Variants in PRAMEF2 observed in about 807,000 individuals in gnomAD.
The protein encoded by PRAMEF2 is PRAME family member 2.
Under a neutral mutation model 38.0 loss-of-function variants are expected in PRAMEF2, and 35 were observed. The ratio of observed to expected loss-of-function variants is 0.92; its 90% confidence interval spans 0.70 to 1.22. PRAMEF2 has a LOEUF of 1.22. Among genes scored for constraint, PRAMEF2 ranks in the 50% most tolerant of loss-of-function variants. PRAMEF2 has a pLI of 0.00. For synonymous variants in PRAMEF2, 240 were observed against 232.4 expected (o/e 1.03, Z -0.30); for missense variants, 562 against 553.9 (o/e 1.01, Z -0.15).
At chr1:12,859,382 C>T (rs78309161) in intron 2 of PRAMEF2, 86 bp downstream of exon 2, 30,266 of 1,546,508 alleles carry the variant, frequency 0.02, 755 homozygotes, top group South Asian at 0.047. Flanking sequence ...AACCCAAGTG[C>T]GGCCCAGAGT....
At position 12,859,888 on chromosome 1, in the gene PRAMEF2, T is replaced by C. The variant is rs1378475176; in HGVS notation, c.483T>C (p.Asp161=). ...TCTGCCTCAAGGAAATACCCCAGGA[T>C]GAATGCCTGAGATACCTCTTCCAGT... The part of the protein sequence containing the change: ...IDICLKEIPQ[D]ECLRYLFQWV... Residue 161 remains aspartate (D), a synonymous_variant, in exon 3 of 4, where the codon GAT becomes GAC. Transcript: ENST00000240189. The C allele has an allele frequency of 2.5e-6, 4 of 1,608,302 alleles. No individual in the cohort carries two copies. The highest frequency in any genetic ancestry group is 3.4e-6 in the Non-Finnish European group (4 of 1,177,404).
In PRAMEF2 at chr1:12,859,789, C is replaced by T. The variant is rs1334607093; in HGVS notation, c.384C>T (p.Ala128=). The change falls in exon 3 of 4, where the codon GCC becomes GCT. Residue 128 remains alanine, a synonymous_variant. Transcript: ENST00000240189. Reference sequence around the variant, plus strand: ...GGGCCCTGTCCTGCTTCCCAGAGGCCATGAGTAAGAGGCAGACAGCAGAGG... The same window carrying T: ...GGGCCCTGTCCTGCTTCCCAGAGGCTATGAGTAAGAGGCAGACAGCAGAGG... The part of the protein sequence containing the change: ...GAWALSCFPE[A]MSKRQTAEDC... 1 of 1,607,086 alleles carries T rather than the reference C, an allele frequency of 6.2e-7. No homozygotes were observed. Among genetic ancestry groups the T allele is most frequent in the South Asian group, 1.1e-5 (1 of 90,786 alleles).
chr1:12,858,837 A>G, intron 1 of PRAMEF2, 148 bp from the exon 2 acceptor site: 1 of 915,540 alleles, frequency 1.1e-6, no homozygotes, highest in Admixed American at 3.0e-5. Context: ...AAGCAGAAGT[A>G]TAGATTTGAG....
In PRAMEF2 at chr1:12,859,744, G is replaced by A. The variant is rs760658861; in HGVS notation, c.339G>A (p.Trp113Ter). The A allele has an allele frequency of 2.5e-6, 4 of 1,606,186 alleles. No individual in the cohort carries two copies. The highest frequency in any genetic ancestry group is 2.2e-5 in the South Asian group (2 of 90,712). ...LDLRDVDENF[W>*]ARWPGAWALS... ...TGCGGGATGTTGATGAGAATTTCTG[G>A]GCCAGATGGCCTGGAGCCTGGGCCC... Residue 113 changes from tryptophan to a stop codon, truncating the protein, a stop_gained, in exon 3 of 4, where the codon TGG becomes TGA. Coordinates refer to ENST00000240189, the MANE Select transcript of PRAMEF2 (RefSeq NM_023014.1). LOFTEE classifies it high-confidence loss of function.
In PRAMEF2 at chr1:12,860,017, T is replaced by G. The variant is rs3204798; in HGVS notation, c.612T>G (p.Ile204Met). The G allele has an allele frequency of 0.051, 81,813 of 1,600,324 alleles. 1,546 individuals carry two copies. The highest frequency in any genetic ancestry group is 0.22 in the East Asian group (9,881 of 44,316). The change falls in exon 3 of 4, where the codon ATT (isoleucine) becomes ATG (methionine). Residue 204 changes from isoleucine (I) to methionine (M), a missense_variant. Ile to Met is a conservative substitution (Grantham distance 10, BLOSUM62 1). This residue lies in a region of PRAMEF2 where 486 missense variants were observed against 444.2 expected (regional missense o/e 1.09). Transcript: ENST00000240189. Reference protein sequence around the residue: ...YLRKSLKIIYINSIGELEIHN... With the variant: ...YLRKSLKIIYMNSIGELEIHN... Reference sequence around the variant, plus strand: ...GAAAGTCATTGAAAATAATATACATTAATAGTATTGGGGAGCTGGAAATTC... The same window carrying G: ...GAAAGTCATTGAAAATAATATACATGAATAGTATTGGGGAGCTGGAAATTC...
Position 12,859,845 on chromosome 1 carries a change from T to G in PRAMEF2, c.440T>G (p.Leu147Ter), listed in dbSNP as rs1278435053. 4.4e-6 allele frequency: 7 copies of G among 1,607,392 alleles called. No individual in the cohort carries two copies. In the South Asian group the frequency reaches 7.7e-5, roughly 18 times the overall value. ...DCPRTGEHQP[L>*]KVFIDICLKE... Reference sequence around the variant, plus strand: ...CCAAGGACGGGAGAGCACCAGCCCTTAAAGGTGTTCATAGACATCTGCCTC... The same window carrying G: ...CCAAGGACGGGAGAGCACCAGCCCTGAAAGGTGTTCATAGACATCTGCCTC... The change falls in exon 3 of 4, where the codon TTA becomes TGA. Residue 147 changes from leucine (L) to a stop codon, truncating the protein, a stop_gained. Coordinates refer to ENST00000240189, the MANE Select transcript of PRAMEF2 (RefSeq NM_023014.1). LOFTEE classifies it high-confidence loss of function.
intron 1 of PRAMEF2, among the ~76,000 whole-genome samples, 184 bp from the exon 2 acceptor site, chr1:12,858,801 G>C (rs1193437270): frequency 6.7e-6 from 1 of 148,772 alleles, no homozygotes; most frequent in Non-Finnish European, 1.5e-5. Context: ...TTGGTGTTTG[G>C]AAGATATTCT....
Position 12,860,270 on chromosome 1 carries a change from A to G in PRAMEF2, c.865A>G (p.Arg289Gly). The change falls in exon 3 of 4, where the codon AGG becomes GGG. Residue 289 changes from arginine to glycine, a missense_variant and splice_region_variant. This residue lies in a region of PRAMEF2 where 486 missense variants were observed against 444.2 expected (regional missense o/e 1.09). Coordinates refer to ENST00000240189, the MANE Select transcript of PRAMEF2 (RefSeq NM_023014.1). ...FFSGHLEQLIRCLQNPLENLE... is the reference protein window; with the variant it reads ...FFSGHLEQLIGCLQNPLENLE... The stretch of plus-strand genomic sequence containing the variant: ...CAGTGGGCACCTGGAACAGCTGATC[A>G]GGTGAGAAAGGATTGTGCACTTTGT... The G allele has an allele frequency of 3.7e-6, 6 of 1,606,812 alleles. No individual in the cohort carries two copies. The highest frequency in any genetic ancestry group is 4.2e-6 in the Non-Finnish European group (5 of 1,176,582).
Position 12,860,236 on chromosome 1 carries a change from C to A in PRAMEF2, c.831C>A (p.Ile277=), listed in dbSNP as rs370044543. ...EHLQLLKIKL[I]TFFSGHLEQL... ...TCCAGTTGCTTAAAATAAAATTGAT[C>A]ACCTTCTTCAGTGGGCACCTGGAAC... Residue 277 remains isoleucine, a synonymous_variant, in exon 3 of 4, where the codon ATC becomes ATA. Transcript: ENST00000240189. 6.2e-7 allele frequency: 1 copy of A among 1,606,852 alleles called. No individual in the cohort carries two copies. The highest frequency in any genetic ancestry group is 2.2e-5 in the East Asian group (1 of 44,714).
chr1:12,860,421 T>C (rs1640528602), intron 3 of PRAMEF2, 150 bp downstream of exon 3: 3 of 1,489,910 alleles, frequency 2.0e-6, no homozygotes, highest in Non-Finnish European at 2.7e-6. Context: ...CCATTCAGTG[T>C]TCCATGTCCT....
Position 12,861,201 on chromosome 1 carries a change from T to C in PRAMEF2, c.867-20T>C. On this transcript the variant is annotated intron_variant, in intron 3 of 3. Transcript: ENST00000240189. ...TCTAACTGGTACCATTGCCCAGAAC[T>C]AACTTCTTGATCTCCACAGGTGCCT... is the stretch of plus-strand genomic sequence containing the variant. 1 of 1,602,278 alleles carries C rather than the reference T, an allele frequency of 6.2e-7. No individual in the cohort carries two copies. The highest frequency in any genetic ancestry group is 1.1e-5 in the South Asian group (1 of 90,564).
Position 12,859,113 on chromosome 1 carries a change from T to C in PRAMEF2, c.104T>C (p.Leu35Pro), listed in dbSNP as rs1211308113. Residue 35 changes from leucine (L) to proline (P), a missense_variant, in exon 2 of 4, where the codon CTC becomes CCC. Leu to Pro is a moderately conservative substitution (Grantham distance 98, BLOSUM62 -3). Coordinates refer to ENST00000240189, the MANE Select transcript of PRAMEF2 (RefSeq NM_023014.1). ...GCCATGGAGGAGCTGCCCAGGGTGC[T>C]CTATCTCCCACTCTTCAGGGAGGCC... is the stretch of plus-strand genomic sequence containing the variant. ...ISAMEELPRV[L>P]YLPLFREAFS... 10 of 1,605,962 alleles carry C rather than the reference T, an allele frequency of 6.2e-6. No individual in the cohort carries two copies. In the Admixed American group the frequency reaches 1.2e-4, roughly 19 times the overall value.
At position 12,859,673 on chromosome 1, in the gene PRAMEF2, C is replaced by T; in HGVS notation, c.288-20C>T. 6.2e-7 allele frequency: 1 copy of T among 1,605,596 alleles called. No individual in the cohort carries two copies. The highest frequency in any genetic ancestry group is 8.5e-7 in the Non-Finnish European group (1 of 1,176,478). On this transcript the variant is annotated intron_variant, in intron 2 of 3. Transcript: ENST00000240189. ...ATGAGTCCCTCTAAATTCTGAGCCTCTCCCTTACTTTACCCACAGGAGGTG... is the reference window on the plus strand; with the variant it reads ...ATGAGTCCCTCTAAATTCTGAGCCTTTCCCTTACTTTACCCACAGGAGGTG...
intron 1 of PRAMEF2, among the ~76,000 whole-genome samples, chr1:12,858,744 G>A (rs575024592): frequency 5.3e-5 from 8 of 149,698 alleles, no homozygotes; most frequent in Admixed American, 3.5e-4. Context: ...TCAGTGGAGC[G>A]AAGGATGAAA....
chr1:12,861,193 C>A lies in PRAMEF2; in HGVS notation c.867-28C>A. The A allele has an allele frequency of 4.4e-6, 7 of 1,596,784 alleles. 1 individual carries two copies. The highest frequency in any genetic ancestry group is 6.0e-6 in the Non-Finnish European group (7 of 1,168,188). On this transcript the variant is annotated intron_variant, in intron 3 of 3. Coordinates refer to ENST00000240189, the MANE Select transcript of PRAMEF2 (RefSeq NM_023014.1). ...TACCTTCATCTAACTGGTACCATTG[C>A]CCAGAACTAACTTCTTGATCTCCAC...
chr1:12,861,349 T>C lies in PRAMEF2; in HGVS notation c.995T>C (p.Leu332Pro). The C allele has an allele frequency of 6.2e-7, 1 of 1,606,904 alleles. No individual in the cohort carries two copies. Among genetic ancestry groups the C allele is most frequent in the Non-Finnish European group, 8.5e-7 (1 of 1,176,634 alleles). The change falls in exon 4 of 4, where the codon CTG becomes CCG. Residue 332 changes from leucine (L) to proline (P), a missense_variant. Transcript: ENST00000240189. ...CATCTGAATCTCAGCTACGTGCTGCTGTTCCGCATCAGTCTTGAACCCCTA... is the reference window on the plus strand; with the variant it reads ...CATCTGAATCTCAGCTACGTGCTGCCGTTCCGCATCAGTCTTGAACCCCTA... ...LKHLNLSYVL[L>P]FRISLEPLGA...
At chr1:12,861,116 A>C in intron 3 of PRAMEF2, 105 bp from the exon 4 acceptor site, 2 of 1,329,358 alleles carry the variant, frequency 1.5e-6, no homozygotes. Flanking sequence ...AGATGGTGGG[A>C]ACAAACTTGT....
Position 12,860,176 on chromosome 1 carries a change from C to T in PRAMEF2, c.771C>T (p.Thr257=). The part of the protein sequence containing the change: ...SDNELEGWLV[T]RFTSVFLRLE... ...ATGAACTCGAGGGATGGTTAGTCAC[C>T]AGATTCACCTCTGTGTTCCTCAGGC... The change falls in exon 3 of 4, where the codon ACC becomes ACT. Residue 257 remains threonine, a synonymous_variant. Coordinates refer to ENST00000240189, the MANE Select transcript of PRAMEF2 (RefSeq NM_023014.1). The T allele has an allele frequency of 6.2e-7, 1 of 1,606,910 alleles. No individual in the cohort carries two copies. The highest frequency in any genetic ancestry group is 8.5e-7 in the Non-Finnish European group (1 of 1,176,626).
chr1:12,859,613 G>T, intron 2 of PRAMEF2, 80 bp from the exon 3 acceptor site: 5 of 1,584,664 alleles, frequency 3.2e-6, no homozygotes, highest in Non-Finnish European at 4.3e-6. Flanking sequence ...AGGAGCAGCT[G>T]ATTTATGGGA....
Sources: allele counts gnomAD v4.1 joint callset (sites outside exome capture counted in the v4.1 genomes callset), GRCh38; gene constraint gnomAD v4.1.1; regional missense constraint gnomAD v4.1.1; transcripts MANE v1.5; gene names NCBI Gene and HGNC (gene_info 2026-07-23, HGNC 2026-07-21).